The following ARL6IP6 variants were observed in gnomAD, a reference collection of about 807,000 sequenced individuals.
ARL6IP6 encodes ARF like GTPase 6 interacting protein 6, also known as ADP-ribosylation factor-like protein 6-interacting protein 6.
In ARL6IP6, 22 loss-of-function variants were observed where a neutral mutation model predicts 21.5. That is an observed-to-expected ratio of 1.02 (90% CI 0.73 to 1.46). The LOEUF is 1.46. ARL6IP6 is among the 40% of genes most tolerant of loss of function. ARL6IP6 has a pLI of 0.00. For synonymous variants in ARL6IP6, 164 were observed against 125.3 expected, an observed-to-expected ratio of 1.31 and a Z score of -2.06; for missense variants, 388 against 299.8, an observed-to-expected ratio of 1.29 and a Z score of -2.17.
chr2:152,733,659 A>G (rs1700426469), intron 2 of ARL6IP6, among the ~76,000 whole-genome samples: 1 of 152,134 alleles, frequency 6.6e-6, no homozygotes, highest in African/African-American at 2.4e-5. Flanking sequence ...TTTGCTTATT[A>G]TTTCATGTCA....
At chr2:152,725,872 A>G (rs1045348946) in intron 2 of ARL6IP6, among the ~76,000 whole-genome samples, 42 of 152,204 alleles carry the variant, frequency 2.8e-4, no homozygotes, top group African/African-American at 9.7e-4. Flanking sequence ...AATTTTTAAC[A>G]AAGTTTTTTT....
chr2:152,718,653 C>G lies in ARL6IP6; in HGVS notation c.29C>G (p.Ser10Trp), dbSNP rs370204153. MSFAESGWR[S>W]ALRRRGPGTP... ...TCGTTTGCTGAGAGCGGGTGGCGGT[C>G]GGCTCTGCGGCGCCGCGGTCCCGGC... Residue 10 changes from serine (S) to tryptophan (W), a missense_variant, in exon 1 of 4, where the codon TCG becomes TGG. Coordinates refer to ENST00000326446, the MANE Select transcript of ARL6IP6 (RefSeq NM_152522.7). The G allele has an allele frequency of 6.5e-7, 1 of 1,547,830 alleles. No homozygotes were observed. Among genetic ancestry groups the G allele is most frequent in the Non-Finnish European group, 8.7e-7 (1 of 1,146,714 alleles).
chr2:152,742,481 T>C (rs1226377627), intron 3 of ARL6IP6, among the ~76,000 whole-genome samples: 11 of 151,270 alleles, frequency 7.3e-5, no homozygotes, highest in Non-Finnish European at 1.3e-4. Flanking sequence ...GGCAGAAGGA[T>C]TGTTTGATCC....
At chr2:152,723,387 TG>T (rs1439217607) in intron 2 of ARL6IP6, among the ~76,000 whole-genome samples, 1 of 152,230 alleles carries the variant, frequency 6.6e-6, no homozygotes, top group East Asian at 1.9e-4. Flanking sequence ...AATGTAATAA[TG>T]TTTGATTGTT....
chr2:152,717,689 A>G, upstream of ARL6IP6: 1 of 1,402,824 alleles, frequency 7.1e-7, no homozygotes, highest in South Asian at 1.5e-5. Context: ...CCGTCGGGAA[A>G]ACTCTACCAA....
At chr2:152,740,730 T>G (rs1165846548) in intron 3 of ARL6IP6, among the ~76,000 whole-genome samples, 1 of 152,060 alleles carries the variant, frequency 6.6e-6, no homozygotes, top group Non-Finnish European at 1.5e-5. Context: ...CCCAGGAGTT[T>G]ATTATACAAA....
chr2:152,739,073 C>G (rs1482907190), intron 3 of ARL6IP6, among the ~76,000 whole-genome samples: 120 of 152,098 alleles, frequency 7.9e-4, no homozygotes, highest in Non-Finnish European at 7.4e-5. Context: ...AGCTCCGCCT[C>G]CTGGGTTCAT....
chr2:152,740,122 A>G (rs1218022758), intron 3 of ARL6IP6, among the ~76,000 whole-genome samples: 1 of 152,166 alleles, frequency 6.6e-6, no homozygotes, highest in African/African-American at 2.4e-5. Flanking sequence ...TTTTGAGACA[A>G]GGTCTGGTTT....
At chr2:152,720,619 G>A in intron 2 of ARL6IP6, 33 bp downstream of exon 2, 1 of 1,582,216 alleles carries the variant, frequency 6.3e-7, no homozygotes, top group Non-Finnish European at 8.7e-7. Context: ...CTTTGGTTTT[G>A]AGCTCACGTT....
chr2:152,759,742 T>TCTAGGAAACTGACTGGACATTCTTTC lies in ARL6IP6; in HGVS notation c.588-3_610dup. On this transcript the variant is annotated splice_polypyrimidine_tract_variant and splice_region_variant and intron_variant, in intron 3 of 3. Transcript: ENST00000326446. ...TTTTTGATTTGTGTTTTTCTTTTTTTCTAGGAAACTGACTGGACATTCTTT... is the reference window on the plus strand; with the variant it reads ...TTTTTGATTTGTGTTTTTCTTTTTTTCTAGGAAACTGACTGGACATTCTTTCCTAGGAAACTGACTGGACATTCTTT... 6.2e-7 allele frequency: 1 copy of TCTAGGAAACTGACTGGACATTCTTTC among 1,610,664 alleles called. No homozygotes were observed. Among genetic ancestry groups the TCTAGGAAACTGACTGGACATTCTTTC allele is most frequent in the Non-Finnish European group, 8.5e-7 (1 of 1,177,646 alleles).
intron 2 of ARL6IP6, 21 bp from the exon 3 acceptor site, chr2:152,734,972 TC>T: frequency 6.2e-7 from 1 of 1,605,072 alleles, no homozygotes; most frequent in Non-Finnish European, 8.5e-7. Context: ...ATGTACTTTT[TC>T]CCCTCTCTTT....
In ARL6IP6 at chr2:152,718,792, G is replaced by A. The variant is rs750077541; in HGVS notation, c.168G>A (p.Arg56=). 6.2e-7 allele frequency: 1 copy of A among 1,607,472 alleles called. No homozygotes were observed. Residue 56 remains arginine, a synonymous_variant, in exon 1 of 4, where the codon CGG becomes CGA. Transcript: ENST00000326446. ...GCGACCAAGTGGCCCGCGACCTGCGGGCGGAGTTCTCGGCTGGGGCGTGGT... is the reference window on the plus strand; with the variant it reads ...GCGACCAAGTGGCCCGCGACCTGCGAGCGGAGTTCTCGGCTGGGGCGTGGT... The part of the protein sequence containing the change: ...EGCDQVARDL[R]AEFSAGAWSE...
chr2:152,718,368 T>G (rs1473918701), upstream of ARL6IP6: 3 of 419,458 alleles, frequency 7.2e-6, no homozygotes, highest in Non-Finnish European at 1.2e-5. Context: ...CGGCCTCCGC[T>G]CGCTTCTCCC....
At chr2:152,732,587 T>C (rs1700370218) in intron 2 of ARL6IP6, 1 of 449,396 alleles carries the variant, frequency 2.2e-6, no homozygotes, top group African/African-American at 2.0e-5. Context: ...AAAGGTATGT[T>C]TTATTTAAAA....
upstream of ARL6IP6, chr2:152,718,479 C>T: frequency 1.6e-6 from 2 of 1,213,898 alleles, no homozygotes; most frequent in Non-Finnish European, 2.2e-6. Flanking sequence ...CCTTTGCAAC[C>T]CGCCGCCCAC....
chr2:152,734,185 C>T (rs1700450907), intron 2 of ARL6IP6, among the ~76,000 whole-genome samples: 1 of 152,126 alleles, frequency 6.6e-6, no homozygotes, highest in African/African-American at 2.4e-5. Flanking sequence ...AACCGTTTTT[C>T]CTTAAGTCCA....
At chr2:152,729,633 T>C (rs762496537) in intron 2 of ARL6IP6, among the ~76,000 whole-genome samples, 9 of 152,034 alleles carry the variant, frequency 5.9e-5, no homozygotes, top group Non-Finnish European at 8.8e-5. Context: ...GTCTCCAGAA[T>C]ATGTGAAAAA....
At chr2:152,747,358 T>A (rs1701103498) in intron 3 of ARL6IP6, among the ~76,000 whole-genome samples, 1 of 152,306 alleles carries the variant, frequency 6.6e-6, no homozygotes, top group South Asian at 2.1e-4. Flanking sequence ...TGTCTCTTGC[T>A]TCTGCGCATA....
At chr2:152,742,543 C>A (rs1051589146) in intron 3 of ARL6IP6, among the ~76,000 whole-genome samples, 21 of 147,936 alleles carry the variant, frequency 1.4e-4, no homozygotes, top group African/African-American at 5.0e-4. Context: ...GCATTCCAGC[C>A]TCAGTGACAG....
Sources: gnomAD v4.1 joint callset for allele counts (sites outside exome capture counted in the v4.1 genomes callset) on GRCh38, gnomAD v4.1.1 for gene constraint, MANE v1.5 for transcripts, NCBI Gene and HGNC (gene_info 2026-07-23, HGNC 2026-07-21) for gene names.